The following KIF26B variants were observed in gnomAD, a reference collection of about 807,000 sequenced individuals.
The protein encoded by KIF26B is kinesin-like protein KIF26B.
In KIF26B, 63 loss-of-function variants were observed where a neutral mutation model predicts 151.2. That is an observed-to-expected ratio of 0.42 (90% CI 0.34 to 0.51). The LOEUF (loss-of-function observed/expected upper bound fraction) is 0.51, where lower values mean the gene tolerates loss of function less well. Ranked by LOEUF, KIF26B falls within the 20% of genes least tolerant of loss-of-function variation. The pLI is 0.07. For synonymous variants in KIF26B, 1,357 were observed against 1,262.1 expected (o/e 1.08, Z -1.59); for missense variants, 2,813 against 2,913.6 (o/e 0.97, Z 0.79).
At chr1:245,356,899 C>T (rs60482289) in intron 2 of KIF26B, among the ~76,000 whole-genome samples, 4 of 152,082 alleles carry the variant, frequency 2.6e-5, no homozygotes, top group Non-Finnish European at 5.9e-5. Context: ...AGGAAGGCCT[C>T]GTTGAAAAGG....
At chr1:245,489,267 C>T (rs542065828) in intron 4 of KIF26B, among the ~76,000 whole-genome samples, 2 of 152,286 alleles carry the variant, frequency 1.3e-5, no homozygotes, top group African/African-American at 4.8e-5. Context: ...CCCTCAGGAG[C>T]GGATAAGAGG....
intron 5 of KIF26B, among the ~76,000 whole-genome samples, chr1:245,586,365 T>G (rs1003787276): frequency 1.3e-5 from 2 of 152,124 alleles, no homozygotes; most frequent in South Asian, 2.1e-4. Context: ...GTTGGTGGTG[T>G]TATTAGCATT....
chr1:245,524,432 C>T (rs1336187101), intron 4 of KIF26B, among the ~76,000 whole-genome samples: 5 of 152,144 alleles, frequency 3.3e-5, no homozygotes, highest in African/African-American at 1.2e-4. Context: ...AATAAAGTGA[C>T]ATATGATTTG....
intron 2 of KIF26B, among the ~76,000 whole-genome samples, chr1:245,266,117 A>T (rs996100896): frequency 3.9e-5 from 6 of 152,220 alleles, no homozygotes; most frequent in Non-Finnish European, 5.9e-5. Flanking sequence ...TAAGAAAAAG[A>T]TACTCAAAAG....
Position 245,192,852 on chromosome 1 carries a change from T to C in KIF26B, c.465+36169T>C, listed in dbSNP as rs558098891. On this transcript the variant is annotated intron_variant, in intron 2 of 14. Transcript: ENST00000407071. ...GTAGTGGTGGGGATTGGGTTTCTAG[T>C]GTACCCATCACCTCAATAGTGAACA... Among the ~76,000 whole-genome samples the C allele has an allele frequency of 6.6e-5, 10 of 152,260 alleles. No individual in the cohort carries two copies. In the East Asian group the frequency reaches 7.8e-4, roughly 12 times the overall value.
intron 2 of KIF26B, among the ~76,000 whole-genome samples, chr1:245,305,545 A>G (rs528916909): frequency 1.3e-5 from 2 of 152,200 alleles, no homozygotes; most frequent in South Asian, 4.1e-4. Context: ...ACAATGAGAT[A>G]CCCCTCATTT....
intron 2 of KIF26B, among the ~76,000 whole-genome samples, chr1:245,336,417 C>T (rs532284574): frequency 6.6e-6 from 1 of 152,202 alleles, no homozygotes; most frequent in East Asian, 1.9e-4. Context: ...CGGGTGCCTC[C>T]GACTGGCGGC....
chr1:245,251,091 A>G (rs746518679), intron 2 of KIF26B, among the ~76,000 whole-genome samples: 11 of 152,202 alleles, frequency 7.2e-5, no homozygotes, highest in African/African-American at 2.4e-4. Flanking sequence ...AAGTGTGTCT[A>G]CCAGGAAAGC....
intron 10 of KIF26B, among the ~76,000 whole-genome samples, chr1:245,678,248 G>T (rs574061740): frequency 6.6e-6 from 1 of 152,064 alleles, no homozygotes; most frequent in South Asian, 2.1e-4. Flanking sequence ...GTGGTCAGAG[G>T]GTGAATGCAG....
At position 245,602,104 on chromosome 1, in the gene KIF26B, G is replaced by A. The variant is rs761248452; in HGVS notation, c.1351-473G>A. Among the ~76,000 whole-genome samples the A allele has an allele frequency of 4.7e-5, 7 of 149,808 alleles. No individual in the cohort carries two copies. The highest frequency in any genetic ancestry group is 8.9e-5 in the Non-Finnish European group (6 of 67,744). ...GCAGGCCATTTCACGGTTCTTTAATGATGACACTAATAACTGTGGATTTTT... is the reference window on the plus strand; with the variant it reads ...GCAGGCCATTTCACGGTTCTTTAATAATGACACTAATAACTGTGGATTTTT... On this transcript the variant is annotated intron_variant, in intron 5 of 14. Coordinates refer to ENST00000407071, the MANE Select transcript of KIF26B (RefSeq NM_018012.4). This position sits in a 1 kb window ranked among gnomAD's most constrained non-coding sequence, Gnocchi z 4.5.
At chr1:245,428,988 G>GT (rs1443221930) in intron 4 of KIF26B, among the ~76,000 whole-genome samples, 1 of 148,090 alleles carries the variant, frequency 6.8e-6, no homozygotes, top group Non-Finnish European at 1.5e-5. Context: ...GGGGGCGGGG[G>GT]TGGGGGGCAG....
At chr1:245,200,395 A>G (rs1282405273) in intron 2 of KIF26B, among the ~76,000 whole-genome samples, 1 of 152,228 alleles carries the variant, frequency 6.6e-6, no homozygotes, top group African/African-American at 2.4e-5. Context: ...ACTTTGAGGA[A>G]GGAATATTGT....
At chr1:245,326,791 G>T (rs187242349) in intron 2 of KIF26B, among the ~76,000 whole-genome samples, 17 of 152,304 alleles carry the variant, frequency 1.1e-4, no homozygotes, top group Admixed American at 1.1e-3. Context: ...AAAAATTCAT[G>T]TATTTAGTTA....
In KIF26B at chr1:245,686,700, G is replaced by A; in HGVS notation, c.3717G>A (p.Leu1239=). Residue 1239 remains leucine (L), a synonymous_variant, in exon 12 of 15, where the codon CTG becomes CTA. Transcript: ENST00000407071. The surrounding 1 kb of genome is among the most constrained non-coding windows in gnomAD (Gnocchi z 5.6). ...VSIISSISED[L]ECYSSTAPVS... ...TCATCAGCAGCATCAGCGAGGACCT[G>A]GAGTGCTACTCCAGCACGGCCCCCG... 6.2e-7 allele frequency: 1 copy of A among 1,613,006 alleles called. No homozygotes were observed. The highest frequency in any genetic ancestry group is 8.5e-7 in the Non-Finnish European group (1 of 1,179,586).
chr1:245,664,810 C>G (rs2044195669), intron 10 of KIF26B, among the ~76,000 whole-genome samples: 1 of 152,082 alleles, frequency 6.6e-6, no homozygotes, highest in South Asian at 2.1e-4. Flanking sequence ...TAGTATTTTT[C>G]TTAACACTAT....
chr1:245,392,335 G>C (rs376232564), intron 3 of KIF26B, among the ~76,000 whole-genome samples: 3 of 152,152 alleles, frequency 2.0e-5, no homozygotes, highest in Non-Finnish European at 4.4e-5. Context: ...TTATGTAAAG[G>C]TTATATAAAA....
intron 10 of KIF26B, among the ~76,000 whole-genome samples, chr1:245,648,796 C>T (rs1426569065): frequency 1.3e-5 from 2 of 152,260 alleles, no homozygotes; most frequent in East Asian, 1.9e-4. Context: ...TCCAGGAGTC[C>T]CCTTCCTTCT....
At position 245,586,157 on chromosome 1, in the gene KIF26B, C is replaced by CTGTG. The variant is rs1558225690; in HGVS notation, c.1351-16420_1351-16419insTGTG. On this transcript the variant is annotated intron_variant, in intron 5 of 14. Transcript: ENST00000407071. ...CACTATAGGCACACACCACCATGAC[C>CTGTG]AGTGTGTGTGTGTGTGTGTGTGTGT... 1.2e-4 allele frequency among the ~76,000 whole-genome samples: 13 copies of CTGTG among 112,286 alleles called. No homozygotes were observed. The South Asian group carries it at 3.3e-3, about 29-fold the overall frequency. The allele number at this position is 112,286 out of a possible 152,430, so 73.7% of individuals were successfully genotyped here.
At position 245,702,636 on chromosome 1, in the gene KIF26B, C is replaced by T; in HGVS notation, c.*30C>T. ...GCCAGACCCTTGTCCTAGTGGTCCC[C>T]CGCTCCCCAGGACTTCAGAGATGTT... is the stretch of plus-strand genomic sequence containing the variant. On this transcript the variant is annotated 3_prime_UTR_variant, in exon 15 of 15. Transcript: ENST00000407071. The surrounding 1 kb of genome is among the most constrained non-coding windows in gnomAD (Gnocchi z 4.1). 6.2e-7 allele frequency: 1 copy of T among 1,605,230 alleles called. No homozygotes were observed. Among genetic ancestry groups the T allele is most frequent in the Non-Finnish European group, 8.5e-7 (1 of 1,174,880 alleles).
Sources: gnomAD v4.1 joint callset for allele counts (sites outside exome capture counted in the v4.1 genomes callset) on GRCh38, gnomAD v4.1.1 for gene constraint, Gnocchi (gnomAD v3.1) non-coding constraint, MANE v1.5 for transcripts, NCBI Gene and HGNC (gene_info 2026-07-23, HGNC 2026-07-21) for gene names.